MYH4: variants seen among roughly 807,000 people sequenced by gnomAD.
MYH4 encodes myosin-4.
Under a neutral mutation model 229.9 loss-of-function variants are expected in MYH4, and 200 were observed. The observed-to-expected ratio is 0.87, with a 90% CI of 0.78 to 0.98. The LOEUF (loss-of-function observed/expected upper bound fraction) is 0.98. MYH4 is among the 50% of genes least tolerant of loss of function. MYH4 has a pLI of 0.00. For missense variants in MYH4, 2,148 were observed against 2,332.6 expected (o/e 0.92, Z 1.63); for synonymous variants, 761 against 834.6 (o/e 0.91, Z 1.52).
intron 4 of MYH4, 119 bp downstream of exon 4, chr17:10,466,154 A>G: frequency 8.3e-7 from 1 of 1,205,166 alleles, no homozygotes. Flanking sequence ...AACATTAACC[A>G]AACAATTGGT....
At chr17:10,451,230 T>C in intron 28 of MYH4, 96 bp downstream of exon 28, 3 of 1,429,642 alleles carry the variant, frequency 2.1e-6, no homozygotes, top group Non-Finnish European at 2.9e-6. Context: ...TAAATGAATG[T>C]ACAGAGCTTG....
At chr17:10,451,115 A>C (rs571789250) in intron 28 of MYH4, among the ~76,000 whole-genome samples, 39 of 152,296 alleles carry the variant, frequency 2.6e-4, no homozygotes, top group African/African-American at 8.7e-4. Flanking sequence ...AGTCACAAAA[A>C]ATCTCCTGAG....
chr17:10,453,560 A>G (rs966599437), intron 23 of MYH4, 83 bp downstream of exon 23: 2 of 1,598,514 alleles, frequency 1.3e-6, no homozygotes, highest in Non-Finnish European at 8.6e-7. Flanking sequence ...TTTATATTCA[A>G]TCATCTTAAG....
chr17:10,451,645 T>C (rs890279271), intron 27 of MYH4, among the ~76,000 whole-genome samples, 193 bp from the exon 28 acceptor site: 9 of 152,200 alleles, frequency 5.9e-5, no homozygotes, highest in African/African-American at 2.2e-4. Flanking sequence ...AAAATTATAT[T>C]CTCTTTGAAA....
intron 19 of MYH4, 141 bp from the exon 20 acceptor site, chr17:10,455,436 A>G: frequency 1.5e-6 from 2 of 1,299,658 alleles, no homozygotes; most frequent in Non-Finnish European, 2.1e-6. Flanking sequence ...GCTTTATTTA[A>G]AACTTCGGAA....
chr17:10,444,029 TCTCTCTCTCACTTGA>T (rs1380705448), intron 39 of MYH4, among the ~76,000 whole-genome samples: 1 of 152,052 alleles, frequency 6.6e-6, no homozygotes, highest in Non-Finnish European at 1.5e-5. Flanking sequence ...CCTCCTCAAG[TCTCTCTCTCACTTGA>T]CTCTCTTTCT....
At position 10,460,339 on chromosome 17, in the gene MYH4, G is replaced by A; in HGVS notation, c.1148-18C>T. On this transcript the variant is annotated intron_variant, in intron 12 of 39. Transcript: ENST00000255381. ...GTCAGCAACTGTGTGAACAAGGTGAGAATGGTGAAACTGACCATGGCTTAC... is the reference window on the plus strand; with the variant it reads ...GTCAGCAACTGTGTGAACAAGGTGAAAATGGTGAAACTGACCATGGCTTAC... The A allele has an allele frequency of 1.9e-6, 3 of 1,545,792 alleles. No homozygotes were observed. Among genetic ancestry groups the A allele is most frequent in the Admixed American group, 1.7e-5 (1 of 57,294 alleles).
At chr17:10,445,748 G>T (rs1315144850) in intron 35 of MYH4, among the ~76,000 whole-genome samples, 2 of 152,058 alleles carry the variant, frequency 1.3e-5, no homozygotes, top group South Asian at 2.1e-4. Flanking sequence ...TGTCTTGTTG[G>T]CTGGGCGCAG....
chr17:10,457,315 G>T, intron 16 of MYH4, 105 bp downstream of exon 16: 2 of 1,268,146 alleles, frequency 1.6e-6, no homozygotes, highest in Non-Finnish European at 2.2e-6. Flanking sequence ...GCATGTATTG[G>T]CCAGTGTTTT....
chr17:10,465,770 CTTTTTTTT>C (rs957442606), intron 4 of MYH4, among the ~76,000 whole-genome samples, 172 bp from the exon 5 acceptor site: 1 of 97,994 alleles, frequency 1.0e-5, no homozygotes, highest in Non-Finnish European at 2.0e-5. Flanking sequence ...TTCAGTTTTT[CTTTTTTTT>C]TTTTTTTTTT....
chr17:10,448,697 C>T lies in MYH4; in HGVS notation c.4452G>A (p.Glu1484=), dbSNP rs2072539883. ...SQKESRSLST[E]LFKVKNAYEE... ...CGTAGGCATTCTTCACCTTGAACAG[C>T]TCAGTGCTGAGAGAACGCGACTCCT... Residue 1484 remains glutamate (E), a synonymous_variant, in exon 32 of 40, where the codon GAG becomes GAA. Transcript: ENST00000255381. 4 of 1,614,048 alleles carry T rather than the reference C, an allele frequency of 2.5e-6. No homozygotes were observed. The highest frequency in any genetic ancestry group is 1.7e-5 in the Admixed American group (1 of 59,998).
At chr17:10,464,737 T>C (rs1247780014) in intron 5 of MYH4, 29 bp from the exon 6 acceptor site, 4 of 1,608,092 alleles carry the variant, frequency 2.5e-6, no homozygotes. Context: ...AGATAATATT[T>C]AGAAAAACAC....
Position 10,447,131 on chromosome 17 carries a change from A to G in MYH4, c.5051T>C (p.Leu1684Pro). 6.2e-7 allele frequency: 1 copy of G among 1,614,150 alleles called. No homozygotes were observed. Among genetic ancestry groups the G allele is most frequent in the Non-Finnish European group, 8.5e-7 (1 of 1,180,018 alleles). Reference sequence around the variant, plus strand: ...GAGCTCTTCAACTTCAGCCTGCATCAGGTTAGCTCTGCGCTCAACCATTGC... The same window carrying G: ...GAGCTCTTCAACTTCAGCCTGCATCGGGTTAGCTCTGCGCTCAACCATTGC... ...QLAMVERRAN[L>P]MQAEVEELRA... Residue 1684 changes from leucine (L) to proline (P), a missense_variant, in exon 35 of 40, where the codon CTG (leucine) becomes CCG (proline). Coordinates refer to ENST00000255381, the MANE Select transcript of MYH4 (RefSeq NM_017533.2).
chr17:10,448,257 G>T, intron 33 of MYH4, 131 bp from the exon 34 acceptor site: 1 of 1,293,218 alleles, frequency 7.7e-7, no homozygotes, highest in Non-Finnish European at 1.0e-6. Context: ...TATTAGCTCT[G>T]CATTCTCAAG....
chr17:10,466,574 C>G lies in MYH4; in HGVS notation c.172G>C (p.Gly58Arg), dbSNP rs138503520. 4 of 1,613,786 alleles carry G rather than the reference C, an allele frequency of 2.5e-6. No individual in the cohort carries two copies. In the African/African-American group the frequency reaches 5.3e-5, roughly 22 times the overall value. Residue 58 changes from glycine (G) to arginine (R), a missense_variant, in exon 3 of 40, where the codon GGG becomes CGG. Gly to Arg is a moderately radical substitution (Grantham distance 125, BLOSUM62 -2). Transcript: ENST00000255381. ...VKAIVQSREG[G>R]KVTAKTEAGA... ...GCTTCGGTCTTGGCTGTCACCTTCC[C>G]CCCTTCCCTGCTCTGCACTATTGCT...
At chr17:10,465,699 A>G in intron 4 of MYH4, 101 bp from the exon 5 acceptor site, 2 of 1,388,730 alleles carry the variant, frequency 1.4e-6, no homozygotes, top group South Asian at 2.7e-5. Flanking sequence ...GTACTGTGTT[A>G]GTTCTCATAA....
At chr17:10,453,046 C>G in intron 24 of MYH4, 106 bp downstream of exon 24, 1 of 1,589,982 alleles carries the variant, frequency 6.3e-7, no homozygotes. Flanking sequence ...AGCACAAGAA[C>G]TTTATTCACA....
intron 5 of MYH4, 59 bp from the exon 6 acceptor site, chr17:10,464,767 G>A: frequency 2.6e-6 from 4 of 1,529,974 alleles, no homozygotes; most frequent in East Asian, 4.5e-5. Context: ...ATAGGTCAAC[G>A]CAGTACTTAT....
At chr17:10,463,257 C>T in intron 9 of MYH4, 69 bp from the exon 10 acceptor site, 15 of 1,549,720 alleles carry the variant, frequency 9.7e-6, no homozygotes, top group Non-Finnish European at 1.3e-5. Context: ...GAAAATTTCA[C>T]ACAACAGAAA....
Sources: allele counts gnomAD v4.1 joint callset (sites outside exome capture counted in the v4.1 genomes callset), GRCh38; gene constraint gnomAD v4.1.1; transcripts MANE v1.5; gene names NCBI Gene and HGNC (gene_info 2026-07-23, HGNC 2026-07-21).